The following FILIP1L variants were observed in gnomAD, a reference collection of about 807,000 sequenced individuals.
The protein encoded by FILIP1L is filamin A interacting protein 1 like, also known as filamin A-interacting protein 1-like.
Under a neutral mutation model 96.6 loss-of-function variants are expected in FILIP1L, and 55 were observed. The ratio of observed to expected loss-of-function variants is 0.57; its 90% confidence interval spans 0.46 to 0.71. The LOEUF (loss-of-function observed/expected upper bound fraction) is 0.71. FILIP1L is among the 30% of genes least tolerant of loss of function. The pLI, the probability that FILIP1L is intolerant of heterozygous loss-of-function variation, is 0.00. For missense variants in FILIP1L, 1,304 were observed against 1,321.2 expected (o/e 0.99, Z 0.20); for synonymous variants, 467 against 473.9 (o/e 0.99, Z 0.19).
chr3:99,869,657 C>T (rs998894804), intron 4 of FILIP1L, among the ~76,000 whole-genome samples: 7 of 152,162 alleles, frequency 4.6e-5, no homozygotes. Context: ...CAGGCAACTC[C>T]TTCCTTTTCT....
chr3:99,985,696 C>T (rs1469747039), intron 1 of FILIP1L, among the ~76,000 whole-genome samples: 1 of 151,722 alleles, frequency 6.6e-6, no homozygotes, highest in African/African-American at 2.4e-5. Flanking sequence ...TCAAGCAATT[C>T]TCCTGCCTCA....
rs1491315247 is a variant in FILIP1L at position 99,916,435 on chromosome 3, T to TACAC, written c.605+7794_605+7795insGTGT. On this transcript the variant is annotated intron_variant, in intron 4 of 5. Coordinates refer to ENST00000477258, the MANE Select transcript of FILIP1L (RefSeq NM_001387850.1). ...GAGCCAACACTTTATAATAACGGTT[T>TACAC]ATACACACACACACACACACACACA... Among the ~76,000 whole-genome samples the TACAC allele has an allele frequency of 2.3e-3, 275 of 120,204 alleles. 1 individual carries two copies. Among genetic ancestry groups the TACAC allele is most frequent in the African/African-American group, 9.1e-3 (263 of 28,846 alleles). The allele number at this position is 120,204 out of a possible 152,430, so 78.9% of individuals were successfully genotyped here. A position where few individuals can be genotyped will look rare whatever the true frequency, so the allele number is the denominator to read the frequency against.
intron 1 of FILIP1L, among the ~76,000 whole-genome samples, chr3:99,983,561 G>A (rs1356679727): frequency 7.1e-6 from 1 of 140,434 alleles, no homozygotes; most frequent in African/African-American, 2.6e-5. Context: ...GTGGTGGCAG[G>A]TACCTGTAAT....
intron 4 of FILIP1L, among the ~76,000 whole-genome samples, chr3:99,862,027 T>C (rs1432549261): frequency 2.0e-5 from 3 of 152,158 alleles, no homozygotes; most frequent in Admixed American, 6.5e-5. Flanking sequence ...GCACAATACA[T>C]GTCCGTTCTC....
intron 4 of FILIP1L, among the ~76,000 whole-genome samples, chr3:99,919,409 G>A (rs534998676): frequency 2.0e-5 from 3 of 147,826 alleles, no homozygotes; most frequent in African/African-American, 5.0e-5. Flanking sequence ...TACCTTGTTC[G>A]CCCAGTATCT....
chr3:100,046,365 T>C (rs2065279222), intron 1 of FILIP1L, among the ~76,000 whole-genome samples: 1 of 152,170 alleles, frequency 6.6e-6, no homozygotes, highest in South Asian at 2.1e-4. Flanking sequence ...TATTTGGCAA[T>C]GTAGTTAAAA....
At chr3:99,947,915 T>C (rs572998783) in intron 1 of FILIP1L, among the ~76,000 whole-genome samples, 2 of 152,344 alleles carry the variant, frequency 1.3e-5, no homozygotes, top group African/African-American at 4.8e-5. Flanking sequence ...GAAGCTGTTA[T>C]TATATTTACA....
chr3:100,097,861 C>G lies in FILIP1L; in HGVS notation c.-11+16192G>C, dbSNP rs550231283. ...CTTGCTACCTTCTAAGTTGCAATGGCTTTGTTGCACTTTTTCTGAATAGCT... is the reference window on the plus strand; with the variant it reads ...CTTGCTACCTTCTAAGTTGCAATGGGTTTGTTGCACTTTTTCTGAATAGCT... On this transcript the variant is annotated intron_variant, in intron 1 of 5. Coordinates refer to ENST00000477258, the MANE Select transcript of FILIP1L (RefSeq NM_001387850.1). Among the ~76,000 whole-genome samples, 14 of 152,290 alleles carry G rather than the reference C, an allele frequency of 9.2e-5. No homozygotes were observed. The South Asian group carries it at 2.1e-3, about 23-fold the overall frequency.
intron 1 of FILIP1L, among the ~76,000 whole-genome samples, chr3:99,959,704 C>T (rs1241818258): frequency 1.3e-5 from 2 of 152,124 alleles, no homozygotes; most frequent in Admixed American, 1.3e-4. Context: ...TAACAGACTC[C>T]AATAAATAGA....
chr3:99,928,999 G>C (rs1707385362), intron 3 of FILIP1L, among the ~76,000 whole-genome samples: 2 of 152,312 alleles, frequency 1.3e-5, no homozygotes, highest in Non-Finnish European at 2.9e-5. Context: ...AAGGACATTA[G>C]AGGTCAGTCC....
At chr3:99,965,338 C>T (rs1233899600) in intron 1 of FILIP1L, among the ~76,000 whole-genome samples, 1 of 152,164 alleles carries the variant, frequency 6.6e-6, no homozygotes, top group Non-Finnish European at 1.5e-5. Flanking sequence ...TGTGTTCTTA[C>T]TGGTGCAGGC....
intron 1 of FILIP1L, among the ~76,000 whole-genome samples, chr3:99,992,187 G>C (rs1366710831): frequency 1.3e-5 from 2 of 151,924 alleles, no homozygotes; most frequent in African/African-American, 4.8e-5. Flanking sequence ...ATATATCCCA[G>C]TAGTGAAATT....
intron 1 of FILIP1L, among the ~76,000 whole-genome samples, chr3:100,110,870 T>C (rs556164235): frequency 2.0e-5 from 3 of 152,304 alleles, no homozygotes; most frequent in African/African-American, 7.2e-5. Flanking sequence ...GATGTGACAA[T>C]GTTTTATGTT....
intron 4 of FILIP1L, among the ~76,000 whole-genome samples, chr3:99,917,998 G>T (rs567984205): frequency 1.3e-4 from 20 of 152,130 alleles, no homozygotes; most frequent in African/African-American, 4.8e-4. Context: ...TTTTTTTTGA[G>T]ACAGATTCTT....
intron 1 of FILIP1L, among the ~76,000 whole-genome samples, chr3:99,969,438 A>G (rs1390739212): frequency 1.3e-5 from 2 of 152,204 alleles, no homozygotes; most frequent in African/African-American, 4.8e-5. Flanking sequence ...TAGTTGCGTC[A>G]ATCTGAAAGC....
At chr3:99,929,746 G>A (rs1576580233) in intron 3 of FILIP1L, 110 bp downstream of exon 3, 2 of 740,438 alleles carry the variant, frequency 2.7e-6, no homozygotes, top group East Asian at 5.7e-5. Context: ...GGCTTTAAGT[G>A]CGTTAGAAAG....
At chr3:100,038,537 A>G (rs1192272140) in intron 1 of FILIP1L, among the ~76,000 whole-genome samples, 1 of 152,226 alleles carries the variant, frequency 6.6e-6, no homozygotes, top group African/African-American at 2.4e-5. Context: ...ATTAACAAAC[A>G]TTGTAATTGC....
At chr3:100,107,101 G>GA (rs759739676) in intron 1 of FILIP1L, among the ~76,000 whole-genome samples, 2 of 152,058 alleles carry the variant, frequency 1.3e-5, no homozygotes, top group Non-Finnish European at 2.9e-5. Flanking sequence ...AGGTACAGGT[G>GA]AAAATCTTTA....
At chr3:99,987,564 T>C (rs1709382085) in intron 1 of FILIP1L, among the ~76,000 whole-genome samples, 1 of 151,024 alleles carries the variant, frequency 6.6e-6, no homozygotes, top group Non-Finnish European at 1.5e-5. Context: ...AGAAAAAATA[T>C]TTAAGTGCAA....
Sources: gnomAD v4.1 joint callset for allele counts (sites outside exome capture counted in the v4.1 genomes callset) on GRCh38, gnomAD v4.1.1 for gene constraint, MANE v1.5 for transcripts, NCBI Gene and HGNC (gene_info 2026-07-23, HGNC 2026-07-21) for gene names.